PRKCI: variants seen among roughly 807,000 people sequenced by gnomAD.
The protein encoded by PRKCI is protein kinase C iota.
A neutral mutation model predicts 84.0 loss-of-function variants in PRKCI; 43 were observed. The observed-to-expected ratio is 0.51, with a 90% confidence interval of 0.40 to 0.66. PRKCI has a LOEUF of 0.66. PRKCI is among the 30% of genes least tolerant of loss of function. The pLI is 0.00. For missense variants in PRKCI, 459 were observed against 745.6 expected (o/e 0.62, Z 4.48); for synonymous variants, 216 against 234.4 (o/e 0.92, Z 0.72).
At chr3:170,279,735 C>G (rs530822559) in intron 8 of PRKCI, among the ~76,000 whole-genome samples, 1 of 152,300 alleles carries the variant, frequency 6.6e-6, no homozygotes, top group Admixed American at 6.5e-5. Context: ...AGCTTACATT[C>G]TATGTATCAA....
rs186787003 is a variant in PRKCI, at chr3:170,248,260, T to C, written c.224-11709T>C. ...CTGTCAGGTTATCTCATATAAATAA[T>C]TGGATTGTGAATATTTACCTAACTT... On this transcript the variant is annotated intron_variant, in intron 2 of 17. Coordinates refer to ENST00000295797, the MANE Select transcript of PRKCI (RefSeq NM_002740.6). 9.2e-5 allele frequency among the ~76,000 whole-genome samples: 14 copies of C among 152,316 alleles called. No homozygotes were observed. In the East Asian group the frequency reaches 2.7e-3, roughly 29 times the overall value.
At chr3:170,270,347 T>C in intron 5 of PRKCI, 74 bp from the exon 6 acceptor site, 1 of 1,400,130 alleles carries the variant, frequency 7.1e-7, no homozygotes, top group Non-Finnish European at 9.6e-7. Context: ...CAAAGGGAAT[T>C]GAGTCAGCAA....
chr3:170,243,488 C>T (rs1403069581), intron 2 of PRKCI, among the ~76,000 whole-genome samples: 5 of 152,056 alleles, frequency 3.3e-5, no homozygotes, highest in African/African-American at 1.2e-4. Context: ...ACAAGTCCTT[C>T]CTTGTATGGA....
chr3:170,230,300 G>A (rs901300635), intron 1 of PRKCI, among the ~76,000 whole-genome samples: 2 of 151,806 alleles, frequency 1.3e-5, no homozygotes, highest in African/African-American at 4.8e-5. Flanking sequence ...TAAGTAGCTG[G>A]GATTATAGGC....
chr3:170,297,196 A>G (rs1734705178), intron 15 of PRKCI, 108 bp from the exon 16 acceptor site: 1 of 847,492 alleles, frequency 1.2e-6, no homozygotes, highest in Admixed American at 2.4e-5. Flanking sequence ...GACCATTCCA[A>G]CTTCAGAAAT....
chr3:170,249,527 G>A (rs1415762280), intron 2 of PRKCI, among the ~76,000 whole-genome samples: 2 of 151,930 alleles, frequency 1.3e-5, no homozygotes, highest in Non-Finnish European at 2.9e-5. Flanking sequence ...GGTGGCTCAC[G>A]CCTGTAATCC....
intron 8 of PRKCI, among the ~76,000 whole-genome samples, chr3:170,276,196 C>T (rs1305839118): frequency 1.3e-5 from 2 of 152,154 alleles, no homozygotes; most frequent in African/African-American, 2.4e-5. Flanking sequence ...AAATCAGCCT[C>T]TCTAAGTGTT....
In PRKCI at chr3:170,305,914, C is replaced by CT. The variant is rs1023330381; in HGVS notation, c.*2788dup. ...ACTACTGTGGTCATCATAATGTAAT[C>CT]TATTTCTGTACCTTTTTTTTTTTTT... On this transcript the variant is annotated 3_prime_UTR_variant, in exon 18 of 18. Transcript: ENST00000295797. 1 of 146,846 alleles carries CT rather than the reference C, an allele frequency of 6.8e-6. No individual in the cohort carries two copies. Among genetic ancestry groups the CT allele is most frequent in the African/African-American group, 2.5e-5 (1 of 40,072 alleles). 9.1% of individuals were successfully genotyped at this position (146,846 alleles called of 1,614,324 possible).
At chr3:170,270,632 C>A in intron 6 of PRKCI, 71 bp downstream of exon 6, 1 of 1,460,228 alleles carries the variant, frequency 6.8e-7, no homozygotes. Flanking sequence ...TAACAGAGTG[C>A]TAAAATAGGG....
At position 170,298,981 on chromosome 3, in the gene PRKCI, G is replaced by T. The variant is rs376262004; in HGVS notation, c.1588-14G>T. 4.5e-6 allele frequency: 7 copies of T among 1,548,176 alleles called. No homozygotes were observed. The highest frequency in any genetic ancestry group is 6.2e-6 in the Non-Finnish European group (7 of 1,121,618). On this transcript the variant is annotated splice_polypyrimidine_tract_variant and intron_variant, in intron 16 of 17. Coordinates refer to ENST00000295797, the MANE Select transcript of PRKCI (RefSeq NM_002740.6). Reference sequence around the variant, plus strand: ...GAATACAGACTTGAGCTGTCATCCAGTATGTCTTTTCAGATGGAGCAAAAA... The same window carrying T: ...GAATACAGACTTGAGCTGTCATCCATTATGTCTTTTCAGATGGAGCAAAAA...
chr3:170,287,930 A>G (rs1734439130), intron 12 of PRKCI, among the ~76,000 whole-genome samples: 2 of 149,292 alleles, frequency 1.3e-5, no homozygotes, highest in South Asian at 4.2e-4. Flanking sequence ...AAAAAAAAAA[A>G]GAAAATCACA....
chr3:170,228,592 C>G (rs1732695458), intron 1 of PRKCI, among the ~76,000 whole-genome samples: 1 of 143,754 alleles, frequency 7.0e-6, no homozygotes, highest in South Asian at 2.3e-4. Flanking sequence ...CACAGACATA[C>G]ACACACACAA....
At chr3:170,240,526 T>G (rs565022036) in intron 2 of PRKCI, among the ~76,000 whole-genome samples, 3 of 152,346 alleles carry the variant, frequency 2.0e-5, no homozygotes, top group African/African-American at 7.2e-5. Context: ...CTTGCTTAAT[T>G]CTGATACCAA....
intron 2 of PRKCI, among the ~76,000 whole-genome samples, chr3:170,235,991 G>A (rs1454067714): frequency 1.3e-5 from 2 of 150,718 alleles, no homozygotes; most frequent in Admixed American, 1.3e-4. Context: ...TTGCTAAGTT[G>A]TCCAGGCTGG....
intron 1 of PRKCI, among the ~76,000 whole-genome samples, chr3:170,223,115 G>A (rs1047319131): frequency 6.6e-6 from 1 of 152,138 alleles, no homozygotes; most frequent in African/African-American, 2.4e-5. Flanking sequence ...TGTATTTGGG[G>A]TTGCGAGTTG....
At chr3:170,230,822 G>T (rs1003211793) in intron 1 of PRKCI, among the ~76,000 whole-genome samples, 8 of 151,854 alleles carry the variant, frequency 5.3e-5, no homozygotes, top group African/African-American at 1.9e-4. Flanking sequence ...AATGTGCGTA[G>T]GTACTTTCTA....
At position 170,293,512 on chromosome 3, in the gene PRKCI, A is replaced by G. The variant is rs2108865849; in HGVS notation, c.1417+4A>G. On this transcript the variant is annotated splice_donor_region_variant and intron_variant, in intron 14 of 17. Transcript: ENST00000295797. ...ACAGAGGATTATCTCTTCCAAGGTA[A>G]TTTGGAGTATTTTACAGAGATTCTC... is the stretch of plus-strand genomic sequence containing the variant. 2.5e-6 allele frequency: 4 copies of G among 1,612,452 alleles called. No individual in the cohort carries two copies. The East Asian group carries it at 6.7e-5, about 27-fold the overall frequency.
intron 9 of PRKCI, 44 bp downstream of exon 9, chr3:170,280,447 C>T (rs768464297): frequency 6.7e-7 from 1 of 1,486,314 alleles, no homozygotes; most frequent in Non-Finnish European, 9.1e-7. Context: ...CTTGAGAATA[C>T]TATTCTTTTT....
At chr3:170,265,711 T>C (rs1226374810) in intron 4 of PRKCI, among the ~76,000 whole-genome samples, 1 of 151,392 alleles carries the variant, frequency 6.6e-6, no homozygotes, top group Non-Finnish European at 1.5e-5. Context: ...GCCTCCTGGG[T>C]TCATGCCATT....
Sources: allele counts gnomAD v4.1 joint callset (sites outside exome capture counted in the v4.1 genomes callset), GRCh38; gene constraint gnomAD v4.1.1; transcripts MANE v1.5; gene names NCBI Gene and HGNC (gene_info 2026-07-23, HGNC 2026-07-21).